R3HDM4: variants seen among roughly 807,000 people sequenced by gnomAD.
The protein encoded by R3HDM4 is R3H domain-containing protein 4.
Under a neutral mutation model 31.3 loss-of-function variants are expected in R3HDM4, and 30 were observed. That is an observed-to-expected ratio of 0.96 (90% confidence interval 0.72 to 1.30). R3HDM4 has a LOEUF of 1.30. Among genes scored for constraint, R3HDM4 ranks in the 50% most tolerant of loss-of-function variants. R3HDM4 has a pLI of 0.00. For missense variants in R3HDM4, 444 were observed against 366.1 expected, an observed-to-expected ratio of 1.21 and a Z score of -1.74; for synonymous variants, 196 against 156.6, an observed-to-expected ratio of 1.25 and a Z score of -1.88.
chr19:910,957 A>G (rs1316573635), intron 1 of R3HDM4, among the ~76,000 whole-genome samples: 1 of 151,224 alleles, frequency 6.6e-6, no homozygotes, highest in African/African-American at 2.4e-5. Context: ...CGTCTCTACT[A>G]AAAATACAAA....
chr19:902,243 C>T, intron 1 of R3HDM4, 113 bp from the exon 2 acceptor site: 2 of 1,206,492 alleles, frequency 1.7e-6, no homozygotes, highest in South Asian at 2.6e-5. Context: ...AGAGCTCACC[C>T]CTACGGTGTG....
chr19:896,952 C>T lies in R3HDM4; in HGVS notation c.*485G>A, dbSNP rs1568338253. 6.4e-6 allele frequency: 1 copy of T among 156,326 alleles called. No homozygotes were observed. The highest frequency in any genetic ancestry group is 2.4e-5 in the African/African-American group (1 of 41,464). The allele number at this position is 156,326 out of a possible 1,614,324, so 9.7% of individuals were successfully genotyped here. A position where few individuals can be genotyped will look rare whatever the true frequency, so the allele number is the denominator to read the frequency against. On this transcript the variant is annotated 3_prime_UTR_variant, in exon 8 of 8. Transcript: ENST00000361574. This position sits in a 1 kb window ranked among gnomAD's most constrained non-coding sequence, Gnocchi z 4.0. ...ATGAGGGGCAGGGTCCCAGAGACCC[C>T]ACCCTCATTCAAGCTAAAAACTGGG...
rs377694365 is a variant in R3HDM4 at position 900,823 on chromosome 19, C to A, written c.475+6G>T. On this transcript the variant is annotated splice_donor_region_variant and intron_variant, in intron 4 of 7. Coordinates refer to ENST00000361574, the MANE Select transcript of R3HDM4 (RefSeq NM_138774.4). The stretch of plus-strand genomic sequence containing the variant: ...CCACCCATACCCGCCCCAGCCAGGC[C>A]CGCACCTCTCCTCCGGTCCTCCCCA... 32 of 1,536,240 alleles carry A rather than the reference C, an allele frequency of 2.1e-5. No individual in the cohort carries two copies. The highest frequency in any genetic ancestry group is 2.8e-5 in the African/African-American group (2 of 70,240).
At position 898,128 on chromosome 19, in the gene R3HDM4, T is replaced by G. The variant is rs373573774; in HGVS notation, c.704-588A>C. Among the ~76,000 whole-genome samples the G allele has an allele frequency of 1.2e-4, 18 of 151,966 alleles. No individual in the cohort carries two copies. In the East Asian group the frequency reaches 3.5e-3, roughly 29 times the overall value. On this transcript the variant is annotated intron_variant, in intron 7 of 7. Transcript: ENST00000361574. ...AGGGCTGGGCGCGGTGGCTTAAGCC[T>G]GTAATGCCAGCACTTTGGGAGGCTG...
intron 7 of R3HDM4, among the ~76,000 whole-genome samples, chr19:898,194 T>C (rs1315535406): frequency 2.7e-5 from 4 of 147,940 alleles, no homozygotes; most frequent in Non-Finnish European, 4.5e-5. Context: ...CCATCCTGGC[T>C]AACACAGTGA....
chr19:899,931 T>A lies in R3HDM4; in HGVS notation c.561+130A>T. On this transcript the variant is annotated intron_variant, in intron 5 of 7. Transcript: ENST00000361574. This position sits in a 1 kb window ranked among gnomAD's most constrained non-coding sequence, Gnocchi z 6.8. The stretch of plus-strand genomic sequence containing the variant: ...CCCGCCCTCCTACTCAGGGCCCTGG[T>A]GCCGCTGTCTGTATCCTGCCCTGTT... 1.0e-6 allele frequency: 1 copy of A among 998,402 alleles called. No individual in the cohort carries two copies. The highest frequency in any genetic ancestry group is 1.5e-6 in the Non-Finnish European group (1 of 654,210). 61.8% of individuals were successfully genotyped at this position (998,402 alleles called of 1,614,324 possible).
chr19:900,875 G>C lies in R3HDM4; in HGVS notation c.429C>G (p.Ser143Arg). The change falls in exon 4 of 8, where the codon AGC (serine) becomes AGG (arginine). Residue 143 changes from serine to arginine, a missense_variant. Ser to Arg is a moderately radical substitution (Grantham distance 110). Transcript: ENST00000361574. ...VLRYLEDEGR[S>R]KARRRGPGRG... The stretch of plus-strand genomic sequence containing the variant: ...GGCCAGGGCCCCTCCTCCGCGCCTT[G>C]CTCCTGCCCTCATCCTCCAGGTAGC... 6.4e-7 allele frequency: 1 copy of C among 1,568,694 alleles called. No homozygotes were observed. The highest frequency in any genetic ancestry group is 1.4e-5 in the African/African-American group (1 of 72,926).
chr19:897,736 A>G (rs547600998), intron 7 of R3HDM4, among the ~76,000 whole-genome samples, 196 bp from the exon 8 acceptor site: 1 of 152,346 alleles, frequency 6.6e-6, no homozygotes, highest in East Asian at 1.9e-4. Context: ...AAGGCTCCCT[A>G]CAGGAGCACT....
Position 897,300 on chromosome 19 carries a change from G to A in R3HDM4, c.*137C>T, listed in dbSNP as rs993758935. On this transcript the variant is annotated 3_prime_UTR_variant, in exon 8 of 8. Transcript: ENST00000361574. ...CTGCCAAGAGCTGCGTGAGGAGGGG[G>A]CAGAGTGAGAGAGACCACCCCAAGC... 1.1e-5 allele frequency: 7 copies of A among 630,684 alleles called. No homozygotes were observed. Among genetic ancestry groups the A allele is most frequent in the African/African-American group, 7.5e-5 (4 of 53,646 alleles). The allele number at this position is 630,684 out of a possible 1,614,324, so 39.1% of individuals were successfully genotyped here. A position where few individuals can be genotyped will look rare whatever the true frequency, so the allele number is the denominator to read the frequency against.
intron 1 of R3HDM4, among the ~76,000 whole-genome samples, chr19:908,764 G>A (rs543447697): frequency 2.5e-4 from 33 of 132,828 alleles, no homozygotes; most frequent in African/African-American, 8.4e-4. Flanking sequence ...GAACGGCCCC[G>A]CCCCCCACCT....
intron 1 of R3HDM4, among the ~76,000 whole-genome samples, chr19:909,041 A>C (rs1214408086): frequency 6.6e-6 from 1 of 152,202 alleles, no homozygotes; most frequent in Admixed American, 6.5e-5. Flanking sequence ...AGACCACTTT[A>C]CAGACGAGGA....
chr19:899,864 G>A lies in R3HDM4; in HGVS notation c.562-178C>T, dbSNP rs777422214. ...CCACCTCCTGCCTGTGCCTTCCGTG[G>A]AGGAAACTCCTACACACCCTGCAGT... On this transcript the variant is annotated intron_variant, in intron 5 of 7. Coordinates refer to ENST00000361574, the MANE Select transcript of R3HDM4 (RefSeq NM_138774.4). This position sits in a 1 kb window ranked among gnomAD's most constrained non-coding sequence, Gnocchi z 6.8. 8.5e-5 allele frequency among the ~76,000 whole-genome samples: 13 copies of A among 152,076 alleles called. No homozygotes were observed. Among genetic ancestry groups the A allele is most frequent in the Non-Finnish European group, 1.8e-4 (12 of 67,984 alleles).
chr19:900,152 G>A lies in R3HDM4; in HGVS notation c.476-6C>T. 1 of 1,556,372 alleles carries A rather than the reference G, an allele frequency of 6.4e-7. No individual in the cohort carries two copies. Among genetic ancestry groups the A allele is most frequent in the East Asian group, 2.3e-5 (1 of 43,384 alleles). ...GGGTGTATAGGCGGGGTCCTCTGCA[G>A]GAGTGGGGGAACAAGGGGCAGTCTT... On this transcript the variant is annotated splice_region_variant and splice_polypyrimidine_tract_variant and intron_variant, in intron 4 of 7. Transcript: ENST00000361574.
chr19:905,308 C>G (rs1273736900), intron 1 of R3HDM4, among the ~76,000 whole-genome samples: 1 of 151,808 alleles, frequency 6.6e-6, no homozygotes, highest in Admixed American at 6.6e-5. Context: ...ACCATCCTGA[C>G]CAACATGGAG....
At chr19:901,803 G>A (rs1599358524) in intron 2 of R3HDM4, 173 bp downstream of exon 2, 1 of 860,072 alleles carries the variant, frequency 1.2e-6, no homozygotes, top group African/African-American at 1.7e-5. Flanking sequence ...GAGTCCAGGG[G>A]GCGCCTGTGT....
At chr19:908,235 C>G (rs767877521) in intron 1 of R3HDM4, among the ~76,000 whole-genome samples, 20 of 151,950 alleles carry the variant, frequency 1.3e-4, no homozygotes, top group Non-Finnish European at 2.6e-4. Context: ...AACATCTGGC[C>G]TCTGGGGTAG....
intron 1 of R3HDM4, among the ~76,000 whole-genome samples, chr19:911,884 G>C (rs1408477536): frequency 6.6e-6 from 1 of 152,010 alleles, no homozygotes; most frequent in South Asian, 2.1e-4. Flanking sequence ...GCAAGGAGCC[G>C]GGTCTGCCCG....
chr19:899,122 C>T lies in R3HDM4; in HGVS notation c.703+318G>A, dbSNP rs1310628337. On this transcript the variant is annotated intron_variant, in intron 7 of 7. Transcript: ENST00000361574. This position sits in a 1 kb window ranked among gnomAD's most constrained non-coding sequence, Gnocchi z 6.8. ...CAGACACTGCGTCCCCCCATCTTAT[C>T]TCTGGCTCTGGGAGGTCCCTCAAAT... Among the ~76,000 whole-genome samples the T allele has an allele frequency of 2.0e-5, 3 of 152,156 alleles. No homozygotes were observed. The highest frequency in any genetic ancestry group is 2.0e-4 in the Admixed American group (3 of 15,278).
In R3HDM4 at chr19:900,850, G is replaced by C. The variant is rs1052874587; in HGVS notation, c.454C>G (p.Arg152Gly). 4.2e-6 allele frequency: 6 copies of C among 1,415,494 alleles called. No homozygotes were observed. The highest frequency in any genetic ancestry group is 3.2e-5 in the East Asian group (1 of 31,078). The allele number at this position is 1,415,494 out of a possible 1,614,324, so 87.7% of individuals were successfully genotyped here. Residue 152 changes from arginine (R) to glycine (G), a missense_variant, in exon 4 of 8, where the codon CGT becomes GGT. Arg to Gly is a moderately radical substitution (Grantham distance 125). Coordinates refer to ENST00000361574, the MANE Select transcript of R3HDM4 (RefSeq NM_138774.4). ...RSKARRRGPG[R>G]GEDRRREDPA... is the part of the protein sequence containing the mutation. The stretch of plus-strand genomic sequence containing the variant: ...GCACCTCTCCTCCGGTCCTCCCCAC[G>C]GCCAGGGCCCCTCCTCCGCGCCTTG...
Sources: allele counts gnomAD v4.1 joint callset (sites outside exome capture counted in the v4.1 genomes callset), GRCh38; gene constraint gnomAD v4.1.1; non-coding constraint Gnocchi (gnomAD v3.1); transcripts MANE v1.5; gene names NCBI Gene and HGNC (gene_info 2026-07-23, HGNC 2026-07-21).